PTPRJ: variants seen among roughly 807,000 people sequenced by gnomAD.
The protein encoded by PTPRJ is protein tyrosine phosphatase receptor type J, also known as receptor-type tyrosine-protein phosphatase eta.
Under a neutral mutation model 141.3 loss-of-function variants are expected in PTPRJ, and 129 were observed. The ratio of observed to expected loss-of-function variants is 0.91; its 90% CI spans 0.79 to 1.06. The LOEUF (loss-of-function observed/expected upper bound fraction) is 1.06, where lower values mean the gene tolerates loss of function less well. Among genes scored for constraint, PTPRJ ranks in the 50% least tolerant of loss-of-function variants. The pLI, the probability that PTPRJ is intolerant of heterozygous loss-of-function variation, is 0.00. For missense variants in PTPRJ, 1,601 were observed against 1,679.7 expected, an observed-to-expected ratio of 0.95 and a Z score of 0.82; for synonymous variants, 610 against 640.5, an observed-to-expected ratio of 0.95 and a Z score of 0.72.
intron 4 of PTPRJ, among the ~76,000 whole-genome samples, chr11:48,122,513 TG>T (rs1856730238): frequency 6.6e-6 from 1 of 152,170 alleles, no homozygotes; most frequent in Non-Finnish European, 1.5e-5. Context: ...ACAGTAACCC[TG>T]GGGGCTGCAG....
At chr11:48,137,316 C>T (rs367900476) in intron 10 of PTPRJ, 35 bp downstream of exon 10, 168 of 1,596,162 alleles carry the variant, frequency 1.1e-4, no homozygotes, top group Middle Eastern at 1.7e-4. Flanking sequence ...TGGACTCCTC[C>T]CTGAGTGGTG....
In PTPRJ at chr11:48,164,395, G is replaced by T; in HGVS notation, c.3735G>T (p.Arg1245Ser). 6.2e-7 allele frequency: 1 copy of T among 1,614,046 alleles called. No homozygotes were observed. The highest frequency in any genetic ancestry group is 8.5e-7 in the Non-Finnish European group (1 of 1,179,998). Residue 1245 changes from arginine (R) to serine (S), a missense_variant, in exon 24 of 25, where the codon AGG (arginine) becomes AGT (serine). Transcript: ENST00000418331. ...ILVHCSAGVG[R>S]TGTFIAIDRL... is the part of the protein sequence containing the mutation. ...TTTCTCTCAGTGCTGGGGTCGGAAG[G>T]ACGGGCACTTTCATTGCCATTGATC... is the stretch of plus-strand genomic sequence containing the variant.
At chr11:48,160,151 A>T in intron 22 of PTPRJ, 102 bp downstream of exon 22, 1 of 1,473,418 alleles carries the variant, frequency 6.8e-7, no homozygotes, top group Non-Finnish European at 9.3e-7. Flanking sequence ...TTTCCTATGC[A>T]GTGAGAAATG....
intron 9 of PTPRJ, 25 bp from the exon 10 acceptor site, chr11:48,136,978 G>A: frequency 6.4e-7 from 1 of 1,552,730 alleles, no homozygotes. Context: ...GCTTTTACAT[G>A]AATTGCCTTT....
chr11:48,081,488 T>C (rs1203852362), intron 1 of PTPRJ, among the ~76,000 whole-genome samples: 1 of 152,112 alleles, frequency 6.6e-6, no homozygotes, highest in East Asian at 1.9e-4. Context: ...GGCCGGACTT[T>C]GGGTGGCCGC....
intron 1 of PTPRJ, among the ~76,000 whole-genome samples, chr11:48,070,562 T>C (rs1855220257): frequency 6.6e-6 from 1 of 152,002 alleles, no homozygotes; most frequent in African/African-American, 2.4e-5. Context: ...TCAGTAGATT[T>C]AGATCTCCCA....
intron 1 of PTPRJ, among the ~76,000 whole-genome samples, chr11:48,087,542 A>G (rs1855748186): frequency 6.6e-6 from 1 of 152,198 alleles, no homozygotes; most frequent in Admixed American, 6.6e-5. Flanking sequence ...CCAAGAAGTG[A>G]CAGGGCTGGA....
At chr11:47,994,285 T>A (rs1427119695) in intron 1 of PTPRJ, among the ~76,000 whole-genome samples, 4 of 152,152 alleles carry the variant, frequency 2.6e-5, no homozygotes, top group Non-Finnish European at 5.9e-5. Flanking sequence ...TCTTTTTAAA[T>A]GCATGTTCTG....
At chr11:47,997,760 C>G (rs922819753) in intron 1 of PTPRJ, among the ~76,000 whole-genome samples, 9 of 152,150 alleles carry the variant, frequency 5.9e-5, no homozygotes, top group African/African-American at 2.2e-4. Context: ...TATGCCCTGT[C>G]AAAGGGAGAT....
At chr11:48,062,071 A>T (rs1462435680) in intron 1 of PTPRJ, among the ~76,000 whole-genome samples, 2 of 141,878 alleles carry the variant, frequency 1.4e-5, no homozygotes, top group Non-Finnish European at 3.1e-5. Flanking sequence ...TGCCTGGCTA[A>T]TTTTTTTTTT....
chr11:48,060,047 A>G (rs1854876551), intron 1 of PTPRJ, among the ~76,000 whole-genome samples: 1 of 152,162 alleles, frequency 6.6e-6, no homozygotes, highest in Non-Finnish European at 1.5e-5. Flanking sequence ...TTGTTAAGTG[A>G]ACTCCCCTGG....
At chr11:48,125,302 G>T in intron 6 of PTPRJ, 116 bp downstream of exon 6, 1 of 1,115,044 alleles carries the variant, frequency 9.0e-7, no homozygotes, top group Non-Finnish European at 1.3e-6. Flanking sequence ...ATGTCAGAGG[G>T]AGCTTCCTGG....
At chr11:47,998,922 A>G (rs1340908621) in intron 1 of PTPRJ, among the ~76,000 whole-genome samples, 1 of 152,176 alleles carries the variant, frequency 6.6e-6, no homozygotes, top group Non-Finnish European at 1.5e-5. Context: ...ATACAGCAAG[A>G]GCCTTCCTCA....
At chr11:48,140,976 G>GT (rs1857217925) in intron 11 of PTPRJ, among the ~76,000 whole-genome samples, 1 of 152,120 alleles carries the variant, frequency 6.6e-6, no homozygotes, top group African/African-American at 2.4e-5. Flanking sequence ...ATCAGCACAG[G>GT]TTTAGACAAT....
At chr11:48,052,585 G>C (rs1014376542) in intron 1 of PTPRJ, among the ~76,000 whole-genome samples, 3 of 152,146 alleles carry the variant, frequency 2.0e-5, no homozygotes, top group African/African-American at 7.2e-5. Context: ...CGAGACCAGA[G>C]ATCTCATGGG....
intron 1 of PTPRJ, among the ~76,000 whole-genome samples, chr11:47,990,068 C>T (rs1854148926): frequency 6.6e-6 from 1 of 152,178 alleles, no homozygotes; most frequent in African/African-American, 2.4e-5. Context: ...ATTCCATTTA[C>T]TGAAGAGTTA....
Position 48,106,769 on chromosome 11 carries a change from T to TC in PTPRJ, c.97-3289_97-3288insC, listed in dbSNP as rs1448320419. ...TTCTTTTCTTTCTTTCTTTCTTTTTTTTTTTTTTTTTTTTTTTAAGACAGA... is the reference window on the plus strand; with the variant it reads ...TTCTTTTCTTTCTTTCTTTCTTTTTTCTTTTTTTTTTTTTTTTTAAGACAGA... On this transcript the variant is annotated intron_variant, in intron 1 of 24. Transcript: ENST00000418331. Among the ~76,000 whole-genome samples, 112 of 139,062 alleles carry TC rather than the reference T, an allele frequency of 8.1e-4. 1 individual carries two copies. Among genetic ancestry groups the TC allele is most frequent in the Non-Finnish European group, 1.2e-3 (77 of 63,394 alleles). The allele number at this position is 139,062 out of a possible 152,430, so 91.2% of individuals were successfully genotyped here. A position where few individuals can be genotyped will look rare whatever the true frequency, so the allele number is the denominator to read the frequency against.
chr11:48,007,452 G>C (rs1854655243), intron 1 of PTPRJ, among the ~76,000 whole-genome samples: 1 of 151,472 alleles, frequency 6.6e-6, no homozygotes, highest in South Asian at 2.1e-4. Flanking sequence ...GTGTCACCCA[G>C]ACTGTAGTGC....
chr11:48,036,365 C>T (rs1199742492), intron 1 of PTPRJ, among the ~76,000 whole-genome samples: 5 of 152,214 alleles, frequency 3.3e-5, no homozygotes, highest in Non-Finnish European at 5.9e-5. Flanking sequence ...TTCCAGTGCT[C>T]TGCTCTTCTT....
Sources: allele counts gnomAD v4.1 joint callset (sites outside exome capture counted in the v4.1 genomes callset), GRCh38; gene constraint gnomAD v4.1.1; transcripts MANE v1.5; gene names NCBI Gene and HGNC (gene_info 2026-07-23, HGNC 2026-07-21).